The following CHCHD6 variants were observed in gnomAD, a reference collection of about 807,000 sequenced individuals.
The protein encoded by CHCHD6 is MICOS complex subunit MIC25.
CHCHD6 carries 28 observed loss-of-function variants against 32.3 expected under a neutral mutation model. The ratio of observed to expected loss-of-function variants is 0.87; its 90% CI spans 0.64 to 1.19. CHCHD6 has a LOEUF of 1.19. CHCHD6 is among the 50% of genes most tolerant of loss of function. The pLI, the probability that CHCHD6 is intolerant of heterozygous loss-of-function variation, is 0.00. For missense variants in CHCHD6, 333 were observed against 307.0 expected, an observed-to-expected ratio of 1.08 and a Z score of -0.63; for synonymous variants, 122 against 117.5, an observed-to-expected ratio of 1.04 and a Z score of -0.25.
intron 6 of CHCHD6, among the ~76,000 whole-genome samples, chr3:126,925,336 T>C (rs1296128390): frequency 6.6e-5 from 10 of 152,346 alleles, no homozygotes; most frequent in African/African-American, 2.4e-4. Context: ...GGTGGAATTT[T>C]ATTCCTCTGA....
At chr3:126,739,153 A>T (rs966612222) in intron 4 of CHCHD6, among the ~76,000 whole-genome samples, 22 of 152,354 alleles carry the variant, frequency 1.4e-4, no homozygotes, top group African/African-American at 5.0e-4. Context: ...GGTAAAAGGC[A>T]TAAATGGGAG....
At chr3:126,801,840 C>T (rs941615204) in intron 4 of CHCHD6, among the ~76,000 whole-genome samples, 1 of 152,196 alleles carries the variant, frequency 6.6e-6, no homozygotes, top group Non-Finnish European at 1.5e-5. Flanking sequence ...ACACCTCACA[C>T]AGCCGGGTAC....
At chr3:126,905,630 CAG>C (rs1286445263) in intron 5 of CHCHD6, among the ~76,000 whole-genome samples, 1 of 152,006 alleles carries the variant, frequency 6.6e-6, no homozygotes, top group Non-Finnish European at 1.5e-5. Flanking sequence ...TAGCCACAGT[CAG>C]GGGATGGAGC....
intron 5 of CHCHD6, among the ~76,000 whole-genome samples, chr3:126,888,801 G>A (rs982505512): frequency 6.6e-6 from 1 of 152,174 alleles, no homozygotes; most frequent in African/African-American, 2.4e-5. Context: ...TTTTTGCATG[G>A]GGCTGAGCTG....
At position 126,869,536 on chromosome 3, in the gene CHCHD6, C is replaced by T. The variant is rs1576531354; in HGVS notation, c.495+16806C>T. ...GCATATAATTATTGATACGGCTGAG[C>T]ATCTTTTCATAAGTTTATTGGGCCT... On this transcript the variant is annotated intron_variant, in intron 5 of 7. Coordinates refer to ENST00000290913, the MANE Select transcript of CHCHD6 (RefSeq NM_032343.3). Among the ~76,000 whole-genome samples the T allele has an allele frequency of 5.3e-5, 8 of 152,094 alleles. 1 individual carries two copies. Among genetic ancestry groups the T allele is most frequent in the Admixed American group, 5.2e-4 (8 of 15,280 alleles).
intron 5 of CHCHD6, among the ~76,000 whole-genome samples, chr3:126,859,604 C>T (rs1366407186): frequency 2.0e-5 from 3 of 152,164 alleles, no homozygotes; most frequent in Admixed American, 6.5e-5. Context: ...CATAAGTCAT[C>T]GTGAATCCTT....
chr3:126,909,289 T>C (rs1283302626), intron 5 of CHCHD6, among the ~76,000 whole-genome samples: 2 of 152,228 alleles, frequency 1.3e-5, no homozygotes, highest in Non-Finnish European at 2.9e-5. Context: ...TCTATAGTTA[T>C]GGGGGTTCCC....
chr3:126,731,308 C>T (rs1935793028), intron 3 of CHCHD6, among the ~76,000 whole-genome samples: 1 of 152,062 alleles, frequency 6.6e-6, no homozygotes, highest in African/African-American at 2.4e-5. Context: ...ACCCCAAGAG[C>T]TGGCCACACC....
At chr3:126,886,665 C>T (rs1394246795) in intron 5 of CHCHD6, among the ~76,000 whole-genome samples, 1 of 152,188 alleles carries the variant, frequency 6.6e-6, no homozygotes, top group Non-Finnish European at 1.5e-5. Context: ...AGCAAATAGA[C>T]TTAGAACCTG....
At chr3:126,885,601 T>C (rs544079406) in intron 5 of CHCHD6, among the ~76,000 whole-genome samples, 59 of 152,364 alleles carry the variant, frequency 3.9e-4, no homozygotes, top group Admixed American at 1.6e-3. Flanking sequence ...ATGAGCTCTT[T>C]CAGAGAGTAA....
At chr3:126,785,413 G>T (rs1447933515) in intron 4 of CHCHD6, among the ~76,000 whole-genome samples, 6 of 152,164 alleles carry the variant, frequency 3.9e-5, no homozygotes, top group African/African-American at 1.2e-4. Flanking sequence ...TCAAACACAT[G>T]AACATTTTAT....
intron 5 of CHCHD6, among the ~76,000 whole-genome samples, chr3:126,913,766 C>G (rs1308989922): frequency 1.3e-5 from 2 of 152,224 alleles, no homozygotes; most frequent in Non-Finnish European, 2.9e-5. Flanking sequence ...CTAGCAGATG[C>G]GTTAATGTCA....
intron 4 of CHCHD6, among the ~76,000 whole-genome samples, chr3:126,814,694 T>C (rs1352812407): frequency 6.6e-6 from 1 of 152,178 alleles, no homozygotes; most frequent in Non-Finnish European, 1.5e-5. Flanking sequence ...CCTTGCCCTG[T>C]GCTTTTTTTC....
chr3:126,725,886 C>A (rs1191481633), intron 1 of CHCHD6, among the ~76,000 whole-genome samples: 2 of 152,208 alleles, frequency 1.3e-5, no homozygotes, highest in African/African-American at 4.8e-5. Context: ...AGAGAGAGAG[C>A]CTTGGGCTTG....
chr3:126,798,060 G>A (rs1214879999), intron 4 of CHCHD6, among the ~76,000 whole-genome samples: 1 of 152,146 alleles, frequency 6.6e-6, no homozygotes, highest in Non-Finnish European at 1.5e-5. Flanking sequence ...AAAAGTCTAT[G>A]ACTTTTGCTT....
intron 1 of CHCHD6, among the ~76,000 whole-genome samples, chr3:126,721,201 G>A (rs1232198554): frequency 6.6e-6 from 1 of 152,132 alleles, no homozygotes; most frequent in Admixed American, 6.5e-5. Flanking sequence ...AACTTTCAGC[G>A]TCTCCTCGGG....
intron 5 of CHCHD6, among the ~76,000 whole-genome samples, chr3:126,878,110 C>G (rs961687858): frequency 2.0e-5 from 3 of 152,028 alleles, no homozygotes; most frequent in African/African-American, 7.2e-5. Flanking sequence ...ACAGAAGGTG[C>G]AAAAATGGAA....
intron 5 of CHCHD6, among the ~76,000 whole-genome samples, chr3:126,865,218 TCCA>T (rs1186259386): frequency 7.2e-6 from 1 of 139,714 alleles, no homozygotes; most frequent in Non-Finnish European, 1.6e-5. Context: ...CTCCTCCTCC[TCCA>T]CCACCACCTC....
At chr3:126,749,595 C>G (rs1936644823) in intron 4 of CHCHD6, among the ~76,000 whole-genome samples, 1 of 152,196 alleles carries the variant, frequency 6.6e-6, no homozygotes, top group Non-Finnish European at 1.5e-5. Flanking sequence ...AGACATGTTT[C>G]TCTTTCATGG....
Sources: allele counts gnomAD v4.1 joint callset (sites outside exome capture counted in the v4.1 genomes callset), GRCh38; gene constraint gnomAD v4.1.1; transcripts MANE v1.5; gene names NCBI Gene and HGNC (gene_info 2026-07-23, HGNC 2026-07-21).